Variants in PDE4D observed in about 807,000 individuals in gnomAD.
The protein encoded by PDE4D is 3',5'-cyclic-AMP phosphodiesterase 4D.
Under a neutral mutation model 87.4 loss-of-function variants are expected in PDE4D, and 24 were observed. That is an observed-to-expected ratio of 0.27 (90% CI 0.20 to 0.39). The LOEUF (loss-of-function observed/expected upper bound fraction) is 0.39, where lower values mean the gene tolerates loss of function less well. PDE4D is among the 10% of genes least tolerant of loss of function. PDE4D has a pLI of 1.00. For synonymous variants in PDE4D, 384 were observed against 383.2 expected (o/e 1.00, Z -0.02); for missense variants, 714 against 1,041.0 (o/e 0.69, Z 4.32).
At chr5:60,350,528 ATTCAATGAG>A (rs1479464695) in intron 1 of PDE4D, among the ~76,000 whole-genome samples, 2 of 152,116 alleles carry the variant, frequency 1.3e-5, no homozygotes, top group Non-Finnish European at 2.9e-5. Flanking sequence ...AGCAGGTTAC[ATTCAATGAG>A]TGAAAAGTAG....
At chr5:59,640,339 T>C (rs1208134644) in intron 1 of PDE4D, among the ~76,000 whole-genome samples, 1 of 152,186 alleles carries the variant, frequency 6.6e-6, no homozygotes, top group African/African-American at 2.4e-5. Flanking sequence ...GCCGGAGTTC[T>C]TCCTCTCACC....
Position 59,071,683 on chromosome 5 carries a change from C to CTTTTTTTTT in PDE4D, c.809-32721_809-32713dup, listed in dbSNP as rs10701223. ...ACATCTGTACTTTTTTATTTCTCTT[C>CTTTTTTTTT]TTTTTTTTTTTTTTTTTTTTTGAGA... is the stretch of plus-strand genomic sequence containing the variant. On this transcript the variant is annotated intron_variant, in intron 5 of 14. Coordinates refer to ENST00000340635, the MANE Select transcript of PDE4D (RefSeq NM_001104631.2). 2.6e-3 allele frequency among the ~76,000 whole-genome samples: 214 copies of CTTTTTTTTT among 82,386 alleles called. 7 individuals carry two copies. The highest frequency in any genetic ancestry group is 3.7e-3 in the African/African-American group (74 of 20,170). 54.0% of individuals were successfully genotyped at this position (82,386 alleles called of 152,430 possible). A position where few individuals can be genotyped will look rare whatever the true frequency, so the allele number is the denominator to read the frequency against.
chr5:59,030,859 G>C (rs934701911), intron 6 of PDE4D, among the ~76,000 whole-genome samples: 2 of 152,060 alleles, frequency 1.3e-5, no homozygotes, highest in African/African-American at 2.4e-5. Flanking sequence ...TTTAAGTTCA[G>C]GGGTACATGT....
At chr5:60,520,402 G>A (rs1453680417) in intron 1 of PDE4D, among the ~76,000 whole-genome samples, 2 of 152,328 alleles carry the variant, frequency 1.3e-5, no homozygotes, top group Non-Finnish European at 2.9e-5. Flanking sequence ...GCCTGGGAGT[G>A]AGACTTCTGA....
At chr5:59,756,867 G>A (rs921730086) in intron 1 of PDE4D, among the ~76,000 whole-genome samples, 20 of 140,030 alleles carry the variant, frequency 1.4e-4, no homozygotes, top group African/African-American at 1.9e-4. Context: ...GTGCAATCTC[G>A]GCTCAAAGCA....
intron 1 of PDE4D, among the ~76,000 whole-genome samples, chr5:59,635,070 C>T (rs1410225948): frequency 6.6e-6 from 1 of 152,044 alleles, no homozygotes; most frequent in African/African-American, 2.4e-5. Flanking sequence ...TCATTGATCC[C>T]ACAGAAATAC....
At chr5:60,062,673 C>T (rs1771535700) in intron 2 of PDE4D, among the ~76,000 whole-genome samples, 1 of 152,096 alleles carries the variant, frequency 6.6e-6, no homozygotes, top group Non-Finnish European at 1.5e-5. Context: ...CCCAAATGCC[C>T]ATCAATGATA....
At chr5:59,074,586 C>G (rs1279212016) in intron 5 of PDE4D, among the ~76,000 whole-genome samples, 1 of 152,040 alleles carries the variant, frequency 6.6e-6, no homozygotes, top group African/African-American at 2.4e-5. Context: ...GGTGAAACCT[C>G]ATCTCTACTA....
intron 6 of PDE4D, among the ~76,000 whole-genome samples, chr5:59,005,022 A>G (rs1255960698): frequency 1.3e-5 from 2 of 152,226 alleles, no homozygotes; most frequent in Admixed American, 1.3e-4. Context: ...CCACAAAAAG[A>G]TTGTTGGCTG....
chr5:59,296,279 A>G (rs1365266582), intron 1 of PDE4D, among the ~76,000 whole-genome samples: 2 of 152,102 alleles, frequency 1.3e-5, no homozygotes, highest in African/African-American at 4.8e-5. Flanking sequence ...TATAATAAAT[A>G]ATAGTAACCA....
intron 2 of PDE4D, among the ~76,000 whole-genome samples, chr5:60,070,124 A>G (rs1022500676): frequency 6.6e-6 from 1 of 152,144 alleles, no homozygotes; most frequent in African/African-American, 2.4e-5. Context: ...TGTTACCTGC[A>G]AACAGGGAAA....
intron 2 of PDE4D, among the ~76,000 whole-genome samples, chr5:60,163,732 T>G (rs1040430454): frequency 5.9e-5 from 9 of 152,124 alleles, no homozygotes; most frequent in African/African-American, 2.2e-4. Context: ...CCTCCAACCT[T>G]TCATTCAAGG....
chr5:60,178,420 C>A (rs189000386), intron 2 of PDE4D, among the ~76,000 whole-genome samples: 5 of 152,202 alleles, frequency 3.3e-5, no homozygotes, highest in African/African-American at 7.2e-5. Flanking sequence ...TGAATCCCTG[C>A]ATGAGCACTT....
At position 58,974,651 on chromosome 5, in the gene PDE4D, A is replaced by T; in HGVS notation, c.*13T>A. Reference sequence around the variant, plus strand: ...TACTTAAAAAAAAAAAAGGCATGAAAGTTTTTGCACTGTTACGTGTCAGGA... The same window carrying T: ...TACTTAAAAAAAAAAAAGGCATGAATGTTTTTGCACTGTTACGTGTCAGGA... On this transcript the variant is annotated 3_prime_UTR_variant, in exon 15 of 15. Coordinates refer to ENST00000340635, the MANE Select transcript of PDE4D (RefSeq NM_001104631.2). 6.6e-7 allele frequency: 1 copy of T among 1,518,766 alleles called. No homozygotes were observed. The highest frequency in any genetic ancestry group is 8.8e-7 in the Non-Finnish European group (1 of 1,132,988). The allele number at this position is 1,518,766 out of a possible 1,614,324, so 94.1% of individuals were successfully genotyped here.
chr5:60,262,048 G>C (rs149773025), intron 1 of PDE4D, among the ~76,000 whole-genome samples: 2 of 151,888 alleles, frequency 1.3e-5, no homozygotes, highest in African/African-American at 2.4e-5. Context: ...CTACCTCAGC[G>C]TAAGAAAGAA....
At chr5:59,638,132 A>C (rs1444003414) in intron 1 of PDE4D, among the ~76,000 whole-genome samples, 1 of 152,232 alleles carries the variant, frequency 6.6e-6, no homozygotes, top group Non-Finnish European at 1.5e-5. Flanking sequence ...AATGACAAAG[A>C]AAGTAAAGTG....
At chr5:59,497,800 T>C (rs749662467) in intron 1 of PDE4D, among the ~76,000 whole-genome samples, 1 of 152,082 alleles carries the variant, frequency 6.6e-6, no homozygotes, top group African/African-American at 2.4e-5. Flanking sequence ...GAAGTCAACA[T>C]GCACATACAA....
intron 1 of PDE4D, among the ~76,000 whole-genome samples, chr5:60,213,839 C>A (rs1428860549): frequency 6.6e-6 from 1 of 152,156 alleles, no homozygotes; most frequent in Non-Finnish European, 1.5e-5. Flanking sequence ...TTCTCAGACT[C>A]GTCCAGCGAG....
chr5:60,004,362 C>CAT (rs1764282550), intron 2 of PDE4D, among the ~76,000 whole-genome samples: 1 of 152,128 alleles, frequency 6.6e-6, no homozygotes, highest in Non-Finnish European at 1.5e-5. Flanking sequence ...TATAAAATAG[C>CAT]ATAGTATTTG....
Sources: allele counts gnomAD v4.1 joint callset (sites outside exome capture counted in the v4.1 genomes callset), GRCh38; gene constraint gnomAD v4.1.1; transcripts MANE v1.5; gene names NCBI Gene and HGNC (gene_info 2026-07-23, HGNC 2026-07-21).